The following AK8 variants were observed in gnomAD, a reference collection of about 807,000 sequenced individuals.
AK8 encodes the protein ATP-AMP transphosphorylase 8.
Under a neutral mutation model 54.6 loss-of-function variants are expected in AK8, and 44 were observed. The ratio of observed to expected loss-of-function variants is 0.81; its 90% CI spans 0.63 to 1.04. AK8 has a LOEUF of 1.04. Among genes scored for constraint, AK8 ranks in the 50% least tolerant of loss-of-function variants. AK8 has a pLI of 0.00. For missense variants in AK8, 555 were observed against 613.6 expected (o/e 0.90, Z 1.01); for synonymous variants, 239 against 245.6 (o/e 0.97, Z 0.25).
At chr9:132,738,774 G>C (rs1188365056) in intron 11 of AK8, among the ~76,000 whole-genome samples, 7 of 112,828 alleles carry the variant, frequency 6.2e-5, no homozygotes, top group African/African-American at 2.3e-4. Context: ...TTTTTTTTGA[G>C]ACAGGGTCTC....
chr9:132,744,077 T>C (rs1002278495), intron 11 of AK8, among the ~76,000 whole-genome samples: 6 of 152,104 alleles, frequency 3.9e-5, no homozygotes, highest in Non-Finnish European at 8.8e-5. Context: ...ACTCTCCCGG[T>C]GTGCTAGACC....
chr9:132,848,906 CTTT>C (rs577735065), intron 5 of AK8, among the ~76,000 whole-genome samples: 5 of 118,542 alleles, frequency 4.2e-5, no homozygotes, highest in Admixed American at 8.6e-5. Context: ...CTCCTGTTTG[CTTT>C]TTTTTTTTTT....
intron 10 of AK8, among the ~76,000 whole-genome samples, chr9:132,798,153 AC>A (rs1840266300): frequency 6.6e-6 from 1 of 152,072 alleles, no homozygotes; most frequent in African/African-American, 2.4e-5. Context: ...GAGGCTACCG[AC>A]CTTTCCCAGT....
intron 5 of AK8, among the ~76,000 whole-genome samples, chr9:132,835,565 A>T (rs1021526891): frequency 1.3e-5 from 2 of 152,246 alleles, no homozygotes; most frequent in African/African-American, 4.8e-5. Context: ...CTTTGGAACC[A>T]GATGACCTGT....
intron 10 of AK8, among the ~76,000 whole-genome samples, chr9:132,800,919 C>CCTTTTTTTT (rs1554793659): frequency 8.1e-6 from 1 of 123,814 alleles, no homozygotes. Context: ...TCAGTTTGTC[C>CCTTTTTTTT]TTTTTTTTTT....
chr9:132,832,012 C>T (rs1448647644), intron 5 of AK8, among the ~76,000 whole-genome samples: 6 of 127,412 alleles, frequency 4.7e-5, no homozygotes, highest in Admixed American at 3.0e-4. Flanking sequence ...CAGTGAGCTA[C>T]GATCGTGCTA....
At chr9:132,868,698 A>AC (rs1444177193) in intron 2 of AK8, among the ~76,000 whole-genome samples, 1 of 151,916 alleles carries the variant, frequency 6.6e-6, no homozygotes, top group Non-Finnish European at 1.5e-5. Flanking sequence ...CTCCTGGATC[A>AC]CCCCCATGGC....
intron 10 of AK8, among the ~76,000 whole-genome samples, chr9:132,800,066 C>T (rs1033563565): frequency 1.3e-5 from 2 of 152,196 alleles, no homozygotes; most frequent in African/African-American, 2.4e-5. Context: ...AAGCGGGGCT[C>T]GCATCCCGCC....
At chr9:132,873,628 G>A (rs1843953715) in intron 2 of AK8, among the ~76,000 whole-genome samples, 1 of 151,864 alleles carries the variant, frequency 6.6e-6, no homozygotes, top group Non-Finnish European at 1.5e-5. Context: ...TCTTTCTCTG[G>A]TGGCGGTGTG....
upstream of AK8, chr9:132,878,559 G>A (rs1471168303): frequency 8.7e-7 from 1 of 1,152,676 alleles, no homozygotes; most frequent in African/African-American, 1.6e-5. The surrounding 1 kb of genome is among the most constrained non-coding windows in gnomAD (Gnocchi z 4.7). Flanking sequence ...CCCAGAAGGG[G>A]CAAGTCGGCC....
intron 11 of AK8, among the ~76,000 whole-genome samples, chr9:132,731,763 G>C (rs1177113570): frequency 1.3e-5 from 2 of 152,154 alleles, no homozygotes; most frequent in African/African-American, 2.4e-5. Flanking sequence ...ACCCATCTGG[G>C]TTTTTGGTCA....
chr9:132,878,796 C>T (rs922327755), upstream of AK8: 88 of 984,888 alleles, frequency 8.9e-5, no homozygotes, highest in Non-Finnish European at 1.0e-4. This position sits in a 1 kb window ranked among gnomAD's most constrained non-coding sequence, Gnocchi z 4.7. Flanking sequence ...CTCCCAGCTC[C>T]CCGGCTCTGG....
intron 2 of AK8, among the ~76,000 whole-genome samples, chr9:132,870,481 C>T (rs780973328): frequency 6.6e-6 from 1 of 152,212 alleles, no homozygotes; most frequent in African/African-American, 2.4e-5. Context: ...TATTGGAGCT[C>T]TAATACACAG....
chr9:132,756,469 T>C (rs549831016), intron 11 of AK8, among the ~76,000 whole-genome samples: 13 of 152,358 alleles, frequency 8.5e-5, no homozygotes, highest in African/African-American at 3.1e-4. Context: ...ATCATTTGCA[T>C]ACCTAAAAAT....
intron 5 of AK8, 94 bp from the exon 6 acceptor site, chr9:132,828,820 T>A: frequency 2.0e-6 from 2 of 979,984 alleles, no homozygotes; most frequent in Non-Finnish European, 2.9e-6. Flanking sequence ...ATAGAAAGAC[T>A]AGAACTTTTA....
chr9:132,740,291 T>C (rs1018327235), intron 11 of AK8, among the ~76,000 whole-genome samples: 1 of 152,220 alleles, frequency 6.6e-6, no homozygotes, highest in Non-Finnish European at 1.5e-5. Flanking sequence ...AAATGAGGTC[T>C]GGGTACTGGA....
intron 11 of AK8, among the ~76,000 whole-genome samples, chr9:132,789,139 C>CA (rs1243856890): frequency 1.3e-5 from 2 of 151,734 alleles, no homozygotes; most frequent in Non-Finnish European, 2.9e-5. Flanking sequence ...ACTAAAAATA[C>CA]AAAAAATTAG....
chr9:132,851,473 G>A (rs1842969650), intron 5 of AK8, among the ~76,000 whole-genome samples: 1 of 152,240 alleles, frequency 6.6e-6, no homozygotes, highest in South Asian at 2.1e-4. Context: ...AGGGAACTAG[G>A]AGTTATCAGG....
At chr9:132,862,300 G>T (rs1196463574) in intron 4 of AK8, among the ~76,000 whole-genome samples, 2 of 151,780 alleles carry the variant, frequency 1.3e-5, no homozygotes, top group Non-Finnish European at 2.9e-5. Flanking sequence ...GGGGCTGGGG[G>T]TCTGTCGAAG....
Sources: gnomAD v4.1 joint callset for allele counts (sites outside exome capture counted in the v4.1 genomes callset) on GRCh38, gnomAD v4.1.1 for gene constraint, Gnocchi (gnomAD v3.1) non-coding constraint, MANE v1.5 for transcripts, NCBI Gene and HGNC (gene_info 2026-07-23, HGNC 2026-07-21) for gene names.